Variants in METTL15 observed in about 807,000 individuals in gnomAD.
The protein encoded by METTL15 is methyltransferase 15, mitochondrial 12S rRNA N4-cytidine.
METTL15 carries 34 observed loss-of-function variants against 38.3 expected under a neutral mutation model. That is an observed-to-expected ratio of 0.89 (90% confidence interval 0.68 to 1.18). METTL15 has a LOEUF of 1.18. Ranked by LOEUF, METTL15 falls within the 50% of genes most tolerant of loss-of-function variation. METTL15 has a pLI of 0.00. For missense variants in METTL15, 438 were observed against 498.4 expected (o/e 0.88, Z 1.15); for synonymous variants, 162 against 170.9 (o/e 0.95, Z 0.41).
At chr11:28,211,036 T>C (rs372303139) in intron 3 of METTL15, 26 bp from the exon 4 acceptor site, 1 of 1,593,024 alleles carries the variant, frequency 6.3e-7, no homozygotes, top group African/African-American at 1.4e-5. Flanking sequence ...TGCTAAGTTG[T>C]AATTTTCTTT....
At chr11:28,170,989 A>G (rs560218899) in intron 3 of METTL15, among the ~76,000 whole-genome samples, 16 of 152,068 alleles carry the variant, frequency 1.1e-4, no homozygotes, top group Admixed American at 2.0e-4. Context: ...ACTAATCCTT[A>G]TGCAGAATTC....
intron 3 of METTL15, among the ~76,000 whole-genome samples, chr11:28,151,911 T>TC (rs1185407970): frequency 6.6e-6 from 1 of 152,046 alleles, no homozygotes; most frequent in Non-Finnish European, 1.5e-5. Context: ...TCTTTAATTT[T>TC]TATACCCACT....
intron 5 of METTL15, among the ~76,000 whole-genome samples, chr11:28,401,590 G>A (rs376380927): frequency 1.5e-3 from 234 of 151,820 alleles, no homozygotes; most frequent in African/African-American, 5.5e-3. Context: ...CAATACCAGC[G>A]AAGCCCATAC....
chr11:28,189,568 CAATT>C (rs1259851555), intron 3 of METTL15, among the ~76,000 whole-genome samples: 5 of 151,188 alleles, frequency 3.3e-5, no homozygotes, highest in Non-Finnish European at 7.4e-5. Context: ...ATCAGAATCT[CAATT>C]AACCATGGAG....
intron 6 of METTL15, among the ~76,000 whole-genome samples, chr11:28,473,549 C>T (rs1851319510): frequency 6.6e-6 from 1 of 152,122 alleles, no homozygotes; most frequent in Admixed American, 6.6e-5. Context: ...TGGATACATT[C>T]ATGTTACAAG....
intron 6 of METTL15, among the ~76,000 whole-genome samples, chr11:28,431,789 T>TAAAAAAAAAAAAAAAAAA (rs1564929855): frequency 1.0e-4 from 1 of 9,956 alleles, no homozygotes. Flanking sequence ...AAAAATAAAT[T>TAAAAAAAAAAAAAAAAAA]TAAAAAAAAA....
chr11:28,237,411 G>A (rs1397615652), intron 4 of METTL15, among the ~76,000 whole-genome samples: 1 of 152,056 alleles, frequency 6.6e-6, no homozygotes, highest in Non-Finnish European at 1.5e-5. Flanking sequence ...TGAGGCTTCT[G>A]CATTCTTCAC....
intron 3 of METTL15, among the ~76,000 whole-genome samples, chr11:28,350,307 T>C (rs1261543751): frequency 6.6e-6 from 1 of 152,190 alleles, no homozygotes; most frequent in African/African-American, 2.4e-5. Flanking sequence ...TAATTTTAGA[T>C]GTATTTGAAG....
chr11:28,123,749 T>G, intron 3 of METTL15: 1 of 624,036 alleles, frequency 1.6e-6, no homozygotes. Flanking sequence ...GGCATATATT[T>G]TTTATCTTTG....
chr11:28,279,000 T>C (rs912439649), intron 4 of METTL15, among the ~76,000 whole-genome samples: 25 of 152,154 alleles, frequency 1.6e-4, no homozygotes, highest in African/African-American at 4.8e-4. Flanking sequence ...CTATTTTTTG[T>C]ATTTTTGAAA....
intron 5 of METTL15, among the ~76,000 whole-genome samples, chr11:28,290,937 T>C (rs1856486509): frequency 6.6e-6 from 1 of 152,078 alleles, no homozygotes; most frequent in South Asian, 2.1e-4. Context: ...TATAATAAGA[T>C]ATCTTTTACA....
chr11:28,224,712 C>T (rs968705359), intron 4 of METTL15, among the ~76,000 whole-genome samples: 25 of 151,730 alleles, frequency 1.6e-4, no homozygotes, highest in African/African-American at 5.8e-4. Context: ...CTTATATACT[C>T]TTATCTATAT....
At chr11:28,413,515 G>GA (rs1451197909) in intron 5 of METTL15, among the ~76,000 whole-genome samples, 1 of 152,178 alleles carries the variant, frequency 6.6e-6, no homozygotes, top group East Asian at 1.9e-4. Flanking sequence ...CACTCTTATT[G>GA]AAATAAAAGG....
chr11:28,204,048 A>T (rs190999200), intron 3 of METTL15, among the ~76,000 whole-genome samples: 6 of 152,196 alleles, frequency 3.9e-5, no homozygotes, highest in African/African-American at 1.4e-4. Flanking sequence ...TCAAATGCAC[A>T]AATGAAAATT....
intron 3 of METTL15, among the ~76,000 whole-genome samples, chr11:28,192,691 C>T (rs1476982313): frequency 1.3e-5 from 2 of 151,964 alleles, no homozygotes; most frequent in Admixed American, 6.6e-5. Context: ...TTTTAACCAT[C>T]AACTCAATTT....
At chr11:28,108,519 G>T (rs1330617870) in intron 1 of METTL15, 67 bp downstream of exon 1, 3 of 152,690 alleles carry the variant, frequency 2.0e-5, no homozygotes, top group African/African-American at 4.8e-5. Context: ...GGTGGAGTTT[G>T]GGTGTGGATT....
At chr11:28,110,877 A>G (rs145124786) in intron 2 of METTL15, among the ~76,000 whole-genome samples, 4 of 152,306 alleles carry the variant, frequency 2.6e-5, no homozygotes, top group African/African-American at 9.6e-5. Context: ...GAAAAGTTAA[A>G]TGACTTAACT....
chr11:28,275,914 T>C (rs1855824641), intron 4 of METTL15, among the ~76,000 whole-genome samples: 1 of 152,018 alleles, frequency 6.6e-6, no homozygotes, highest in African/African-American at 2.4e-5. Context: ...TGATAAAAAC[T>C]CTTAAAAATC....
intron 6 of METTL15, among the ~76,000 whole-genome samples, chr11:28,524,291 G>C (rs931981448): frequency 6.6e-6 from 1 of 152,174 alleles, no homozygotes; most frequent in Non-Finnish European, 1.5e-5. Flanking sequence ...TAGAGCTCTG[G>C]AAGTACAGAT....
Sources: allele counts gnomAD v4.1 joint callset (sites outside exome capture counted in the v4.1 genomes callset), GRCh38; gene constraint gnomAD v4.1.1; transcripts MANE v1.5; gene names NCBI Gene and HGNC (gene_info 2026-07-23, HGNC 2026-07-21).